RBM10: variants seen among roughly 807,000 people sequenced by gnomAD.
RBM10 encodes the protein RNA binding motif protein 10, also known as RNA-binding protein 10.
A neutral mutation model predicts 84.9 loss-of-function variants in RBM10; 1 was observed. The observed-to-expected ratio is 0.01, with a 90% CI of 0.00 to 0.06. The LOEUF (loss-of-function observed/expected upper bound fraction) is 0.06. Ranked by LOEUF, RBM10 falls within the 10% of genes least tolerant of loss-of-function variation. RBM10 has a pLI of 1.00. For synonymous variants in RBM10, 326 were observed against 344.5 expected (o/e 0.95, Z 0.60); for missense variants, 438 against 839.0 (o/e 0.52, Z 5.90).
At chrX:47,169,816 T>C (rs1300451604) in intron 3 of RBM10, among the ~76,000 whole-genome samples, 4 of 112,194 alleles carry the variant, frequency 3.6e-5, no homozygotes, top group Non-Finnish European at 7.5e-5. Flanking sequence ...CCCAGCCAAC[T>C]TGGGCACTTG....
chrX:47,152,792 C>CAT (rs1299197045), intron 2 of RBM10, among the ~76,000 whole-genome samples: 20 of 105,966 alleles, frequency 1.9e-4, no homozygotes, highest in African/African-American at 6.9e-4. Flanking sequence ...CACACACACA[C>CAT]ACACACACAC....
intron 2 of RBM10, among the ~76,000 whole-genome samples, chrX:47,151,773 TAA>T (rs782688624): frequency 2.0e-4 from 22 of 112,617 alleles, no homozygotes; most frequent in Admixed American, 7.6e-4. Context: ...GGAATGTGTC[TAA>T]AGTTTCTCCA....
intron 2 of RBM10, chrX:47,158,270 G>C (rs940386121): frequency 2.8e-5 from 4 of 141,041 alleles, no homozygotes; most frequent in Middle Eastern, 6.5e-4. Context: ...GCCAGTGAGC[G>C]CTGGGAGCGT....
chrX:47,169,595 C>G (rs1934489689), intron 3 of RBM10, 97 bp downstream of exon 3: 1 of 914,096 alleles, frequency 1.1e-6, no homozygotes, highest in East Asian at 3.4e-5. Context: ...GCTCTCCACT[C>G]CCGTGCCTTC....
chrX:47,186,532 C>G lies in RBM10; in HGVS notation c.2726C>G (p.Thr909Ser). 2.1e-5 allele frequency: 25 copies of G among 1,211,473 alleles called. No individual in the cohort carries two copies. The highest frequency in any genetic ancestry group is 2.7e-5 in the Non-Finnish European group (24 of 895,211). ...LGARGSSYGV[T>S]STESYKETLH... ...GCACGGGGCAGCTCCTACGGGGTCA[C>G]CTCAACCGAGTCCTACAAGGAGACA... The change falls in exon 24 of 24, where the codon ACC (threonine) becomes AGC (serine). Residue 909 changes from threonine (T) to serine (S), a missense_variant. By Grantham distance (58) the Thr-to-Ser change is moderately conservative. Coordinates refer to ENST00000377604, the MANE Select transcript of RBM10 (RefSeq NM_005676.5).
chrX:47,147,467 A>G lies in RBM10; in HGVS notation c.-15A>G, dbSNP rs782785138. On this transcript the variant is annotated 5_prime_UTR_variant, in exon 2 of 24. Transcript: ENST00000377604. The stretch of plus-strand genomic sequence containing the variant: ...GAGGAGGGGCCCCAGCAGCCCCCGA[A>G]GGCCCTATCAGGACATGGAGTATGA... The G allele has an allele frequency of 8.3e-7, 1 of 1,209,935 alleles. No individual in the cohort carries two copies. Among genetic ancestry groups the G allele is most frequent in the African/African-American group, 1.7e-5 (1 of 57,190 alleles).
chrX:47,177,604 C>G (rs1470521178), intron 7 of RBM10, among the ~76,000 whole-genome samples: 1 of 108,156 alleles, frequency 9.2e-6, no homozygotes, highest in Non-Finnish European at 1.9e-5. Context: ...CAGATAGCCT[C>G]AAAACCAGGG....
intron 2 of RBM10, among the ~76,000 whole-genome samples, chrX:47,166,903 G>A (rs1185919186): frequency 9.2e-6 from 1 of 109,066 alleles, no homozygotes; most frequent in African/African-American, 3.4e-5. Flanking sequence ...GCCCTCCCGA[G>A]TAGCTGGGAC....
At chrX:47,149,253 G>C (rs192129447) in intron 2 of RBM10, among the ~76,000 whole-genome samples, 94 of 111,337 alleles carry the variant, frequency 8.4e-4, no homozygotes, top group African/African-American at 2.9e-3. Flanking sequence ...AAACTCCTGG[G>C]CTCAGGCAAT....
intron 9 of RBM10, 89 bp from the exon 10 acceptor site, chrX:47,179,791 G>A (rs2147171289): frequency 9.4e-7 from 1 of 1,068,010 alleles, no homozygotes; most frequent in Non-Finnish European, 1.3e-6. Flanking sequence ...AGTGAGTGGG[G>A]GCAGAGGAAA....
At position 47,182,335 on chromosome X, in the gene RBM10, C is replaced by G. The variant is rs192409691; in HGVS notation, c.1950+9C>G. On this transcript the variant is annotated intron_variant, in intron 17 of 23. Transcript: ENST00000377604. Reference sequence around the variant, plus strand: ...CCAAGACAGCTCAACAGGTGAACACCAGGGTCCAGCAGTCACTGGCTGGCT... The same window carrying G: ...CCAAGACAGCTCAACAGGTGAACACGAGGGTCCAGCAGTCACTGGCTGGCT... 1.4e-4 allele frequency: 171 copies of G among 1,196,224 alleles called. No homozygotes were observed. The East Asian group carries it at 4.4e-3, about 31-fold the overall frequency.
Position 47,145,384 on chromosome X carries a change from T to G in RBM10, c.-227T>G. ...ATCTGCCTCCAGTCTCGGACTTGGT[T>G]GTTGCGCGCTCCGGCTCCGGCTGAG... On this transcript the variant is annotated 5_prime_UTR_variant, in exon 1 of 24. Coordinates refer to ENST00000377604, the MANE Select transcript of RBM10 (RefSeq NM_005676.5). The G allele has an allele frequency of 9.1e-7, 1 of 1,094,543 alleles. No homozygotes were observed. Among genetic ancestry groups the G allele is most frequent in the Non-Finnish European group, 1.2e-6 (1 of 817,221 alleles). The allele number at this position is 1,094,543 out of a possible 1,213,427, so 90.2% of individuals were successfully genotyped here.
chrX:47,157,184 G>C (rs1933226769), intron 2 of RBM10: 3 of 265,134 alleles, frequency 1.1e-5, no homozygotes, highest in Non-Finnish European at 1.4e-5. Context: ...CTCTGGCTTT[G>C]ACACACTGTG....
chrX:47,172,691 G>A (rs1934762183), intron 4 of RBM10, among the ~76,000 whole-genome samples: 1 of 112,803 alleles, frequency 8.9e-6, no homozygotes, highest in African/African-American at 3.2e-5. Flanking sequence ...TTTGACGCAA[G>A]CTGCAGGTCA....
chrX:47,150,454 C>T (rs1932740772), intron 2 of RBM10, among the ~76,000 whole-genome samples: 1 of 112,387 alleles, frequency 8.9e-6, no homozygotes, highest in Admixed American at 9.5e-5. Context: ...AGGTGTGAGC[C>T]ACTGCGCCCA....
chrX:47,162,740 G>C (rs782406027), intron 2 of RBM10, among the ~76,000 whole-genome samples: 216 of 110,675 alleles, frequency 2.0e-3, no homozygotes, highest in Non-Finnish European at 3.6e-3. Context: ...TGGGGGTGGT[G>C]GCAGGTGCCT....
chrX:47,176,990 C>T (rs1382103415), intron 7 of RBM10, among the ~76,000 whole-genome samples: 5 of 111,482 alleles, frequency 4.5e-5, no homozygotes, highest in Non-Finnish European at 7.5e-5. Context: ...TATCCCAGAT[C>T]GGCCTTGATT....
chrX:47,164,704 GT>G (rs782141668), intron 2 of RBM10, among the ~76,000 whole-genome samples: 6 of 111,484 alleles, frequency 5.4e-5, no homozygotes, highest in African/African-American at 2.0e-4. Context: ...GTGGAAAACA[GT>G]TTGGCGGTTC....
intron 7 of RBM10, among the ~76,000 whole-genome samples, chrX:47,177,774 G>A (rs548995210): frequency 4.5e-5 from 5 of 111,261 alleles, no homozygotes; most frequent in Non-Finnish European, 9.4e-5. Flanking sequence ...ACTAATTTTT[G>A]CCTTTTTATT....
Sources: gnomAD v4.1 joint callset for allele counts (sites outside exome capture counted in the v4.1 genomes callset) on GRCh38, gnomAD v4.1.1 for gene constraint, MANE v1.5 for transcripts, NCBI Gene and HGNC (gene_info 2026-07-23, HGNC 2026-07-21) for gene names.